The following PALM2AKAP2 variants were observed in gnomAD, a reference collection of about 807,000 sequenced individuals.
PALM2AKAP2 encodes PALM2-AKAP2 fusion protein.
A neutral mutation model predicts 71.5 loss-of-function variants in PALM2AKAP2; 37 were observed. That is an observed-to-expected ratio of 0.52 (90% CI 0.40 to 0.68). The LOEUF (loss-of-function observed/expected upper bound fraction) is 0.68, where lower values mean the gene tolerates loss of function less well. Among genes scored for constraint, PALM2AKAP2 ranks in the 30% least tolerant of loss-of-function variants. PALM2AKAP2 has a pLI of 0.00. For synonymous variants in PALM2AKAP2, 468 were observed against 478.8 expected (o/e 0.98, Z 0.29); for missense variants, 1,224 against 1,191.8 (o/e 1.03, Z -0.40).
chr9:109,817,538 A>G (rs1312971483), intron 1 of PALM2AKAP2, among the ~76,000 whole-genome samples: 1 of 152,248 alleles, frequency 6.6e-6, no homozygotes, highest in Non-Finnish European at 1.5e-5. Flanking sequence ...TAGACAGTCT[A>G]GGCTTGTGTA....
chr9:109,643,112 A>G (rs892253854), intron 1 of PALM2AKAP2, among the ~76,000 whole-genome samples: 1 of 151,952 alleles, frequency 6.6e-6, no homozygotes, highest in African/African-American at 2.4e-5. Context: ...GGAGTGAGGG[A>G]GGGAAGGAAG....
At chr9:109,714,077 A>G (rs978197065) in intron 1 of PALM2AKAP2, among the ~76,000 whole-genome samples, 1 of 152,226 alleles carries the variant, frequency 6.6e-6, no homozygotes, top group African/African-American at 2.4e-5. Context: ...TAGCTAGACA[A>G]CTTTCCAGCC....
intron 6 of PALM2AKAP2, among the ~76,000 whole-genome samples, chr9:109,979,835 C>T (rs764755204): frequency 6.6e-6 from 1 of 152,074 alleles, no homozygotes; most frequent in Non-Finnish European, 1.5e-5. Flanking sequence ...AAAAATGAGA[C>T]AACATGAGCT....
At chr9:110,148,433 C>G (rs1836230425) in intron 2 of PALM2AKAP2, 1 of 152,134 alleles carries the variant, frequency 6.6e-6, no homozygotes, top group Non-Finnish European at 1.5e-5. Flanking sequence ...TCACATTCTC[C>G]CACCCCTGGG....
At chr9:109,917,190 C>T (rs1397046054) in intron 3 of PALM2AKAP2, among the ~76,000 whole-genome samples, 5 of 152,204 alleles carry the variant, frequency 3.3e-5, no homozygotes, top group African/African-American at 9.6e-5. Flanking sequence ...ACCCACAAGG[C>T]ACGGAACGTG....
chr9:109,928,675 CTT>C (rs35829270), intron 5 of PALM2AKAP2, among the ~76,000 whole-genome samples: 28 of 143,010 alleles, frequency 2.0e-4, no homozygotes, highest in Admixed American at 2.1e-4. Context: ...CTCTCGCTCT[CTT>C]TTTTTTTTTT....
At chr9:110,083,418 A>G (rs1564295120) in intron 1 of PALM2AKAP2, among the ~76,000 whole-genome samples, 1 of 152,178 alleles carries the variant, frequency 6.6e-6, no homozygotes, top group East Asian at 1.9e-4. Flanking sequence ...GTGTGTGGCT[A>G]AAATAAGGAG....
At chr9:110,072,673 G>T (rs1283035167) in intron 1 of PALM2AKAP2, among the ~76,000 whole-genome samples, 1 of 152,130 alleles carries the variant, frequency 6.6e-6, no homozygotes, top group African/African-American at 2.4e-5. Flanking sequence ...GGGCATAAAT[G>T]CTATAGAGGT....
In PALM2AKAP2 at chr9:110,051,988, C is replaced by T. The variant is rs1205195988; in HGVS notation, c.156+3133C>T. On this transcript the variant is annotated intron_variant, in intron 1 of 3. Transcript: ENST00000374525. ...CGCGATCTCGGCTCACTGCAAGCTC[C>T]GCTTCCCCGGTTCACATCATTCTCC... 2.6e-5 allele frequency among the ~76,000 whole-genome samples: 4 copies of T among 152,036 alleles called. No homozygotes were observed. In the East Asian group the frequency reaches 7.7e-4, roughly 29 times the overall value.
chr9:110,144,851 C>A (rs952423102), intron 2 of PALM2AKAP2, among the ~76,000 whole-genome samples: 1 of 152,056 alleles, frequency 6.6e-6, no homozygotes, highest in African/African-American at 2.4e-5. Flanking sequence ...TAATAATATT[C>A]TTTTTCAAAG....
intron 6 of PALM2AKAP2, among the ~76,000 whole-genome samples, chr9:109,979,588 G>T (rs1832233231): frequency 6.6e-6 from 1 of 152,164 alleles, no homozygotes; most frequent in African/African-American, 2.4e-5. Context: ...CTTCTATTTG[G>T]TGGCTGTCTT....
intron 6 of PALM2AKAP2, among the ~76,000 whole-genome samples, chr9:109,963,090 C>T (rs921058951): frequency 2.0e-5 from 3 of 152,104 alleles, no homozygotes; most frequent in Non-Finnish European, 4.4e-5. Flanking sequence ...TGGAGGAGTT[C>T]GGTTTGCACT....
At chr9:109,773,680 C>A (rs1314687525) in intron 1 of PALM2AKAP2, among the ~76,000 whole-genome samples, 1 of 152,192 alleles carries the variant, frequency 6.6e-6, no homozygotes, top group Non-Finnish European at 1.5e-5. Flanking sequence ...TCAGAGCAGG[C>A]AAGTGACTTG....
chr9:109,993,203 A>G (rs1263827066), intron 6 of PALM2AKAP2, among the ~76,000 whole-genome samples: 1 of 149,464 alleles, frequency 6.7e-6, no homozygotes, highest in Middle Eastern at 3.2e-3. Flanking sequence ...AAAAAAAGAT[A>G]ATATCTTCTT....
intron 1 of PALM2AKAP2, among the ~76,000 whole-genome samples, chr9:109,744,658 C>G (rs905740093): frequency 1.3e-4 from 20 of 152,172 alleles, no homozygotes; most frequent in African/African-American, 4.3e-4. Context: ...CCAAACAAGG[C>G]TTTATTGCCC....
At chr9:110,029,993 G>T (rs1376081992) in intron 7 of PALM2AKAP2, among the ~76,000 whole-genome samples, 1 of 152,178 alleles carries the variant, frequency 6.6e-6, no homozygotes, top group Admixed American at 6.5e-5. Context: ...AGGAAAAGTT[G>T]TTGGATTCAT....
intron 6 of PALM2AKAP2, among the ~76,000 whole-genome samples, chr9:109,933,650 A>G (rs1453384654): frequency 1.3e-5 from 2 of 152,260 alleles, no homozygotes; most frequent in Non-Finnish European, 2.9e-5. Context: ...ATCTTTGAAG[A>G]TCCTGCAAAA....
In PALM2AKAP2 at chr9:109,800,890, G is replaced by A. The variant is rs538917174; in HGVS notation, c.45+20357G>A. 5.6e-4 allele frequency among the ~76,000 whole-genome samples: 86 copies of A among 152,314 alleles called. No homozygotes were observed. In the South Asian group the frequency reaches 6.0e-3, roughly 11 times the overall value. Reference sequence around the variant, plus strand: ...TAACTGCCTTGGAGGGAAGAATGACGTCTTAGGACTCAAAGCCTTGATACA... The same window carrying A: ...TAACTGCCTTGGAGGGAAGAATGACATCTTAGGACTCAAAGCCTTGATACA... On this transcript the variant is annotated intron_variant, in intron 1 of 9. Transcript: ENST00000302798.
At chr9:110,075,870 A>C (rs1402923189) in intron 1 of PALM2AKAP2, among the ~76,000 whole-genome samples, 7 of 152,080 alleles carry the variant, frequency 4.6e-5, no homozygotes, top group Non-Finnish European at 7.4e-5. Flanking sequence ...ATATATGTCT[A>C]TATTATATAC....
Sources: gnomAD v4.1 joint callset for allele counts (sites outside exome capture counted in the v4.1 genomes callset) on GRCh38, gnomAD v4.1.1 for gene constraint, MANE v1.5 for transcripts, NCBI Gene and HGNC (gene_info 2026-07-23, HGNC 2026-07-21) for gene names.